Variants in DLEC1 observed in about 807,000 individuals in gnomAD.
The protein encoded by DLEC1 is deleted in lung and esophageal cancer protein 1.
In DLEC1, 146 loss-of-function variants were observed where a neutral mutation model predicts 198.1. That is an observed-to-expected ratio of 0.74 (90% CI 0.64 to 0.85). DLEC1 has a LOEUF of 0.85. Among genes scored for constraint, DLEC1 ranks in the 40% least tolerant of loss-of-function variants. DLEC1 has a pLI of 0.00. For missense variants in DLEC1, 2,233 were observed against 2,220.0 expected (o/e 1.01, Z -0.12); for synonymous variants, 897 against 866.8 (o/e 1.03, Z -0.61).
intron 18 of DLEC1, 76 bp downstream of exon 18, chr3:38,097,978 G>T: frequency 6.3e-7 from 1 of 1,581,678 alleles, no homozygotes; most frequent in Non-Finnish European, 8.6e-7. Context: ...AACTTGCCCT[G>T]GTGTGTTTAG....
chr3:38,039,553 G>A lies in DLEC1; in HGVS notation c.328G>A (p.Gly110Ser), dbSNP rs1426510597. 2.5e-6 allele frequency: 4 copies of A among 1,613,860 alleles called. No individual in the cohort carries two copies. The highest frequency in any genetic ancestry group is 3.4e-6 in the Non-Finnish European group (4 of 1,179,940). ...CAACTTGTACTCAGCCGAGGTCATC[G>A]GCGACGAAGTGAGCGCAAGCTTGAT... ...FRNLYSAEVI[G>S]DEVSASLIKA... The change falls in exon 1 of 37, where the codon GGC becomes AGC. Residue 110 changes from glycine to serine, a missense_variant. Coordinates refer to ENST00000308059, the MANE Select transcript of DLEC1 (RefSeq NM_007335.4).
At chr3:38,115,102 T>C (rs1240438313) in intron 27 of DLEC1, 49 bp downstream of exon 27, 1 of 1,604,330 alleles carries the variant, frequency 6.2e-7, no homozygotes, top group African/African-American at 1.3e-5. Flanking sequence ...GGCTGTGCCT[T>C]GTGGTGAGCC....
intron 1 of DLEC1, among the ~76,000 whole-genome samples, chr3:38,042,167 A>G (rs1700689223): frequency 6.6e-6 from 1 of 151,578 alleles, no homozygotes; most frequent in African/African-American, 2.4e-5. Flanking sequence ...TAATTTTTGT[A>G]TTTTTAGTAG....
At chr3:38,115,149 C>G in intron 27 of DLEC1, 96 bp downstream of exon 27, 1 of 1,386,340 alleles carries the variant, frequency 7.2e-7, no homozygotes, top group Non-Finnish European at 1.0e-6. Context: ...GCCGATGGCC[C>G]ATGAACAGGA....
At chr3:38,091,391 G>A (rs555950399) in intron 10 of DLEC1, among the ~76,000 whole-genome samples, 2 of 152,296 alleles carry the variant, frequency 1.3e-5, no homozygotes, top group South Asian at 2.1e-4. Context: ...TTGAGCTCAG[G>A]TGTTAGAGGC....
chr3:38,080,293 A>G (rs13318699), intron 6 of DLEC1, among the ~76,000 whole-genome samples: 64,375 of 151,716 alleles, frequency 0.42, 14,298 homozygotes, highest in East Asian at 0.58. Context: ...CAGAGGCTGA[A>G]GAAGAATTGG....
chr3:38,109,270 G>A (rs953994191), intron 21 of DLEC1, among the ~76,000 whole-genome samples, 162 bp from the exon 22 acceptor site: 2 of 152,238 alleles, frequency 1.3e-5, no homozygotes, highest in Non-Finnish European at 2.9e-5. Context: ...AGGCTTCCTG[G>A]GGCTGAGGGC....
chr3:38,083,849 C>G (rs1698197810), intron 6 of DLEC1, among the ~76,000 whole-genome samples: 1 of 151,212 alleles, frequency 6.6e-6, no homozygotes, highest in Admixed American at 6.6e-5. Context: ...AGGCAGGTCT[C>G]AAACTTCTGA....
intron 2 of DLEC1, among the ~76,000 whole-genome samples, chr3:38,049,161 T>C (rs11914857): frequency 0.057 from 8,724 of 152,246 alleles, 315 homozygotes; most frequent in Middle Eastern, 0.12. Context: ...TTTCATTTTA[T>C]TTTTACCCAA....
In DLEC1 at chr3:38,095,030, C is replaced by G. The variant is rs185801100; in HGVS notation, c.2071C>G (p.His691Asp). The change falls in exon 13 of 37, where the codon CAC becomes GAC. Residue 691 changes from histidine to aspartate, a missense_variant. His to Asp is a moderately conservative substitution (Grantham distance 81). Coordinates refer to ENST00000308059, the MANE Select transcript of DLEC1 (RefSeq NM_007335.4). Reference protein sequence around the residue: ...IMPRKGVLSPHTDHEFILSFS... With the variant: ...IMPRKGVLSPDTDHEFILSFS... The stretch of plus-strand genomic sequence containing the variant: ...GCCCAGAAAGGGGGTTCTAAGCCCC[C>G]ACACAGACCACGAGTTCATCCTGAG... 1.7e-5 allele frequency: 27 copies of G among 1,614,118 alleles called. No homozygotes were observed. The highest frequency in any genetic ancestry group is 2.2e-5 in the Non-Finnish European group (26 of 1,180,050).
At chr3:38,066,646 C>T (rs1177732187) in intron 6 of DLEC1, among the ~76,000 whole-genome samples, 4 of 152,206 alleles carry the variant, frequency 2.6e-5, no homozygotes, top group Non-Finnish European at 4.4e-5. Flanking sequence ...TTAGCAGTCA[C>T]CAACTCTGCT....
intron 19 of DLEC1, chr3:38,103,853 C>T (rs1699428687): frequency 6.6e-6 from 1 of 152,166 alleles, no homozygotes; most frequent in South Asian, 2.1e-4. Context: ...ATGCACACAG[C>T]ATTTACCAGT....
intron 23 of DLEC1, 95 bp downstream of exon 23, chr3:38,110,376 C>T (rs1014159783): frequency 7.3e-5 from 106 of 1,442,208 alleles, no homozygotes; most frequent in Non-Finnish European, 9.7e-5. Context: ...AGTGGCTGGT[C>T]GGTGTGAGAG....
At chr3:38,063,996 CTTTTT>C in intron 6 of DLEC1, 77 bp downstream of exon 6, 1 of 561,738 alleles carries the variant, frequency 1.8e-6, no homozygotes, top group South Asian at 4.0e-5. Flanking sequence ...TGGAAATTTT[CTTTTT>C]TTTTTCTTTT....
chr3:38,123,354 A>G lies in DLEC1; in HGVS notation c.*942A>G, dbSNP rs1345293162. ...TAAGGAAAACAGGGATCATGCCCCT[A>G]CATCCTAAGTTCAGGGTGTTTCTGT... On this transcript the variant is annotated 3_prime_UTR_variant, in exon 37 of 37. Transcript: ENST00000308059. The G allele has an allele frequency of 7.4e-6, 4 of 543,342 alleles. No homozygotes were observed. The highest frequency in any genetic ancestry group is 3.8e-4 in the Middle Eastern group (1 of 2,664). 33.7% of individuals were successfully genotyped at this position (543,342 alleles called of 1,614,324 possible). A position where few individuals can be genotyped will look rare whatever the true frequency, so the allele number is the denominator to read the frequency against.
At chr3:38,064,296 G>C (rs368824494) in intron 6 of DLEC1, among the ~76,000 whole-genome samples, 9 of 152,160 alleles carry the variant, frequency 5.9e-5, no homozygotes, top group East Asian at 1.9e-4. Flanking sequence ...TGAGTGGACA[G>C]AGCACATGTT....
rs75614900 is a variant in DLEC1 at position 38,116,856 on chromosome 3, C to T, written c.4146C>T (p.Ser1382=). ...TGCAGGCACATGAGGGGGTGCCCTCCGGCCACCTGTACTGTATCAGCCCCA... is the reference window on the plus strand; with the variant it reads ...TGCAGGCACATGAGGGGGTGCCCTCTGGCCACCTGTACTGTATCAGCCCCA... The part of the protein sequence containing the change: ...VILQAHEGVP[S]GHLYCISPKQ... Residue 1382 remains serine (S), a synonymous_variant, in exon 29 of 37, where the codon TCC becomes TCT. Transcript: ENST00000308059. 16,998 of 1,613,576 alleles carry T rather than the reference C, an allele frequency of 0.011. 873 individuals carry two copies. In the African/African-American group the frequency reaches 0.14, roughly 14 times the overall value.
chr3:38,097,813 A>G lies in DLEC1; in HGVS notation c.2635A>G (p.Asn879Asp), dbSNP rs759812540. The G allele has an allele frequency of 3.7e-6, 6 of 1,614,024 alleles. No homozygotes were observed. In the East Asian group the frequency reaches 1.3e-4, roughly 36 times the overall value. Residue 879 changes from asparagine to aspartate, a missense_variant, in exon 18 of 37, where the codon AAC (asparagine) becomes GAC (aspartate). By Grantham distance (23) the Asn-to-Asp change is conservative. Coordinates refer to ENST00000308059, the MANE Select transcript of DLEC1 (RefSeq NM_007335.4). ...GLLRLGQKAT[N>D]SIQIRNVSQL... is the part of the protein sequence containing the mutation. Reference sequence around the variant, plus strand: ...GCTCCGCCTGGGGCAGAAAGCCACAAACTCCATCCAGATCCGGAACGTCAG... The same window carrying G: ...GCTCCGCCTGGGGCAGAAAGCCACAGACTCCATCCAGATCCGGAACGTCAG...
rs1424179500 is a variant in DLEC1, at chr3:38,120,531, T to G, written c.4788T>G (p.Ile1596Met). 6.2e-7 allele frequency: 1 copy of G among 1,614,186 alleles called. No individual in the cohort carries two copies. Residue 1596 changes from isoleucine to methionine, a missense_variant, in exon 34 of 37, where the codon ATT (isoleucine) becomes ATG (methionine). Transcript: ENST00000308059. ...PADQTLPGVD[I>M]QQSASGEREM... The stretch of plus-strand genomic sequence containing the variant: ...ACCAGACACTGCCTGGGGTGGACAT[T>G]CAGCAGAGTGCGAGTGGAGAGAGAG...
Sources: gnomAD v4.1 joint callset for allele counts (sites outside exome capture counted in the v4.1 genomes callset) on GRCh38, gnomAD v4.1.1 for gene constraint, MANE v1.5 for transcripts, NCBI Gene and HGNC (gene_info 2026-07-23, HGNC 2026-07-21) for gene names.